CACNA1E: variants seen among roughly 807,000 people sequenced by gnomAD.
CACNA1E encodes the protein calcium voltage-gated channel subunit alpha1 E.
CACNA1E carries 40 observed loss-of-function variants against 259.2 expected under a neutral mutation model. The ratio of observed to expected loss-of-function variants is 0.15; its 90% CI spans 0.12 to 0.20. The LOEUF is 0.20. Among genes scored for constraint, CACNA1E ranks in the 10% least tolerant of loss-of-function variants. The probability of loss-of-function intolerance (pLI) is 1.00; values close to 1 mark genes in which losing one functional copy is unlikely to be tolerated. For synonymous variants in CACNA1E, 1,104 were observed against 1,138.5 expected, an observed-to-expected ratio of 0.97 and a Z score of 0.61; for missense variants, 1,874 against 3,040.1, an observed-to-expected ratio of 0.62 and a Z score of 9.02.
chr1:181,751,485 G>C (rs77080119), intron 26 of CACNA1E, among the ~76,000 whole-genome samples: 12,222 of 152,204 alleles, frequency 0.08, 653 homozygotes, highest in East Asian at 0.3. Context: ...TGGGGTGTGA[G>C]CCAAGGTCCT....
chr1:181,437,449 T>C (rs1660168758), intron 2 of CACNA1E, among the ~76,000 whole-genome samples: 1 of 152,150 alleles, frequency 6.6e-6, no homozygotes, highest in Admixed American at 6.6e-5. Flanking sequence ...GCAAAACTTC[T>C]CAGAAAAGTG....
intron 7 of CACNA1E, among the ~76,000 whole-genome samples, chr1:181,701,757 T>G (rs1224348991): frequency 6.6e-6 from 1 of 152,216 alleles, no homozygotes; most frequent in Admixed American, 6.5e-5. Flanking sequence ...CTTTTCAATA[T>G]TCATAGTACA....
chr1:181,655,195 G>C (rs1023005411), intron 7 of CACNA1E, among the ~76,000 whole-genome samples: 4 of 151,876 alleles, frequency 2.6e-5, no homozygotes, highest in African/African-American at 4.8e-5. Context: ...TTTTATAGCA[G>C]GGTGATATAA....
At chr1:181,537,551 G>A (rs187507242) in intron 3 of CACNA1E, among the ~76,000 whole-genome samples, 1 of 152,286 alleles carries the variant, frequency 6.6e-6, no homozygotes, top group African/African-American at 2.4e-5. Context: ...TTTGGTGGAA[G>A]GGGGGAGAGG....
chr1:181,343,393 C>T (rs1652326781), intron 1 of CACNA1E, among the ~76,000 whole-genome samples: 1 of 152,086 alleles, frequency 6.6e-6, no homozygotes, highest in African/African-American at 2.4e-5. Context: ...TGAGTTCTTG[C>T]TCTACTAGTT....
intron 1 of CACNA1E, among the ~76,000 whole-genome samples, chr1:181,366,977 C>T (rs1654317553): frequency 6.6e-6 from 1 of 152,124 alleles, no homozygotes; most frequent in South Asian, 2.1e-4. Flanking sequence ...TTCCTCTTTC[C>T]ATTTTGTGAT....
intron 1 of CACNA1E, among the ~76,000 whole-genome samples, chr1:181,328,464 T>A (rs1196316684): frequency 6.6e-6 from 1 of 152,152 alleles, no homozygotes; most frequent in Non-Finnish European, 1.5e-5. Context: ...CCTTTTTCAG[T>A]TCTCTGCTTG....
At chr1:181,611,711 A>G (rs1051346874) in intron 6 of CACNA1E, among the ~76,000 whole-genome samples, 14 of 152,178 alleles carry the variant, frequency 9.2e-5, no homozygotes, top group East Asian at 1.9e-4. Context: ...CTCTGACCCT[A>G]TCCTTGCACT....
rs1052771308 is a variant in CACNA1E, at chr1:181,693,535, T to G, written c.1056-17419T>G. Among the ~76,000 whole-genome samples, 9 of 152,316 alleles carry G rather than the reference T, an allele frequency of 5.9e-5. No homozygotes were observed. In the South Asian group the frequency reaches 1.9e-3, roughly 32 times the overall value. ...TGAATGCAGCTGGAGGCCATTAACT[T>G]AAGTGAATTAATGCAGGAACAGAAA... On this transcript the variant is annotated intron_variant, in intron 7 of 47. Transcript: ENST00000367573.
chr1:181,749,910 G>A (rs1384024386), intron 25 of CACNA1E, among the ~76,000 whole-genome samples: 1 of 152,216 alleles, frequency 6.6e-6, no homozygotes, highest in Non-Finnish European at 1.5e-5. Context: ...GTTTAATGGT[G>A]TTGCTCCTCT....
intron 1 of CACNA1E, among the ~76,000 whole-genome samples, chr1:181,502,637 A>G (rs1665352371): frequency 6.6e-6 from 1 of 152,184 alleles, no homozygotes; most frequent in Admixed American, 6.5e-5. Flanking sequence ...GAAAATGTGA[A>G]ACATCCCTCC....
intron 6 of CACNA1E, among the ~76,000 whole-genome samples, chr1:181,589,027 C>T (rs995160887): frequency 6.6e-6 from 1 of 152,236 alleles, no homozygotes. Context: ...GACTTATGAG[C>T]AATTTTTTTC....
At chr1:181,553,595 A>C (rs1648416255) in intron 3 of CACNA1E, among the ~76,000 whole-genome samples, 1 of 152,312 alleles carries the variant, frequency 6.6e-6, no homozygotes, top group South Asian at 2.1e-4. Context: ...TTCAAAGGGA[A>C]TGCTTCCAGT....
intron 3 of CACNA1E, among the ~76,000 whole-genome samples, chr1:181,562,315 TG>T (rs1649407776): frequency 6.6e-6 from 1 of 152,198 alleles, no homozygotes; most frequent in Non-Finnish European, 1.5e-5. Context: ...GTCCTACTGG[TG>T]GCAGTTTAAT....
chr1:181,521,628 G>A (rs991721003), intron 3 of CACNA1E, among the ~76,000 whole-genome samples: 2 of 152,180 alleles, frequency 1.3e-5, no homozygotes, highest in African/African-American at 4.8e-5. Context: ...TGGAGATATA[G>A]CCTCTATTCA....
At chr1:181,640,706 A>G (rs577072995) in intron 6 of CACNA1E, among the ~76,000 whole-genome samples, 2 of 152,342 alleles carry the variant, frequency 1.3e-5, no homozygotes, top group Non-Finnish European at 2.9e-5. Flanking sequence ...AGCTAAGTGT[A>G]CTTGCTGTAT....
intron 25 of CACNA1E, among the ~76,000 whole-genome samples, chr1:181,740,719 G>C (rs1656492790): frequency 6.6e-6 from 1 of 152,208 alleles, no homozygotes. Context: ...GGTAATTCCA[G>C]TGTCCCTTGT....
chr1:181,508,829 A>C (rs1000971428), intron 1 of CACNA1E, among the ~76,000 whole-genome samples: 1 of 152,158 alleles, frequency 6.6e-6, no homozygotes, highest in Non-Finnish European at 1.5e-5. Context: ...GGGACTTTCC[A>C]TGTGGGGAGG....
chr1:181,711,647 A>C (rs1653374172), intron 8 of CACNA1E, among the ~76,000 whole-genome samples: 1 of 152,198 alleles, frequency 6.6e-6, no homozygotes, highest in African/African-American at 2.4e-5. Context: ...TTTAAATAGG[A>C]GGTCAGGGTG....
Sources: allele counts gnomAD v4.1 joint callset (sites outside exome capture counted in the v4.1 genomes callset), GRCh38; gene constraint gnomAD v4.1.1; transcripts MANE v1.5; gene names NCBI Gene and HGNC (gene_info 2026-07-23, HGNC 2026-07-21).